Variants in ELAVL4 observed in about 807,000 individuals in gnomAD.
The protein encoded by ELAVL4 is ELAV like RNA binding protein 4.
A neutral mutation model predicts 35.6 loss-of-function variants in ELAVL4; 1 was observed. The ratio of observed to expected loss-of-function variants is 0.03; its 90% CI spans 0.01 to 0.13. ELAVL4 has a LOEUF of 0.13. ELAVL4 is among the 10% of genes least tolerant of loss of function. The probability of loss-of-function intolerance (pLI) is 1.00; values close to 1 mark genes in which losing one functional copy is unlikely to be tolerated. For missense variants in ELAVL4, 267 were observed against 464.9 expected, an observed-to-expected ratio of 0.57 and a Z score of 3.91; for synonymous variants, 156 against 171.0, an observed-to-expected ratio of 0.91 and a Z score of 0.69.
intron 1 of ELAVL4, among the ~76,000 whole-genome samples, chr1:50,049,852 T>C (rs1025848404): frequency 2.6e-5 from 4 of 152,190 alleles, no homozygotes; most frequent in Non-Finnish European, 5.9e-5. Context: ...CCTCTTTAGT[T>C]ATCATTAGTA....
At chr1:50,168,622 G>C (rs535512498) in intron 2 of ELAVL4, among the ~76,000 whole-genome samples, 1 of 152,096 alleles carries the variant, frequency 6.6e-6, no homozygotes, top group African/African-American at 2.4e-5. Context: ...TATGTTCCTT[G>C]GTTCTCCACA....
intron 2 of ELAVL4, among the ~76,000 whole-genome samples, chr1:50,165,075 A>G (rs939297516): frequency 1.3e-5 from 2 of 152,186 alleles, no homozygotes; most frequent in Admixed American, 6.6e-5. Context: ...GGAGGGGGCC[A>G]CTGTAGTTTT....
At chr1:50,172,508 G>C (rs540225548) in intron 2 of ELAVL4, among the ~76,000 whole-genome samples, 1 of 152,102 alleles carries the variant, frequency 6.6e-6, no homozygotes, top group Non-Finnish European at 1.5e-5. Flanking sequence ...CAGCTCATGG[G>C]CCAAATTGGG....
At position 50,177,138 on chromosome 1, in the gene ELAVL4, A is replaced by C; in HGVS notation, c.300A>C (p.Ala100=). Residue 100 remains alanine (A), a synonymous_variant, in exon 3 of 7, where the codon GCA becomes GCC. Coordinates refer to ENST00000371824, the MANE Select transcript of ELAVL4 (RefSeq NM_001144774.3). ...TTAACTATATTGATCCAAAGGATGC[A>C]GAGAAAGCCATCAACACTTTAAATG... is the stretch of plus-strand genomic sequence containing the variant. ...GFVNYIDPKD[A]EKAINTLNGL... is the part of the protein sequence containing the mutation. 1.9e-6 allele frequency: 3 copies of C among 1,614,082 alleles called. No individual in the cohort carries two copies. Among genetic ancestry groups the C allele is most frequent in the Non-Finnish European group, 2.5e-6 (3 of 1,179,966 alleles).
chr1:50,080,895 T>C (rs1664978854), intron 1 of ELAVL4, among the ~76,000 whole-genome samples: 1 of 152,164 alleles, frequency 6.6e-6, no homozygotes, highest in Non-Finnish European at 1.5e-5. Context: ...ATGGGAGAAG[T>C]TATATGCAAA....
chr1:50,109,107 C>A lies in ELAVL4; in HGVS notation c.-83C>A. On this transcript the variant is annotated 5_prime_UTR_variant, in exon 1 of 7. Transcript: ENST00000371824. ...TTTAATTATATATAACAATAGTAGT[C>A]ATTTTAAATATATATTCTGAAATCT... is the stretch of plus-strand genomic sequence containing the variant. 1 of 1,360,102 alleles carries A rather than the reference C, an allele frequency of 7.4e-7. No individual in the cohort carries two copies. The highest frequency in any genetic ancestry group is 1.3e-5 in the South Asian group (1 of 76,784). 84.3% of individuals were successfully genotyped at this position (1,360,102 alleles called of 1,614,324 possible).
intron 2 of ELAVL4, among the ~76,000 whole-genome samples, chr1:50,155,212 C>G (rs1212773857): frequency 1.5e-5 from 2 of 132,806 alleles, no homozygotes; most frequent in Non-Finnish European, 3.1e-5. Context: ...TATGATGTTC[C>G]CCTTCCTGTG....
chr1:50,151,075 G>T (rs969314826), intron 2 of ELAVL4, among the ~76,000 whole-genome samples: 2 of 152,198 alleles, frequency 1.3e-5, no homozygotes, highest in African/African-American at 4.8e-5. Context: ...TTTTACAGAT[G>T]CAGAAACTTG....
chr1:50,051,838 A>C (rs1328576937), intron 1 of ELAVL4, among the ~76,000 whole-genome samples: 5 of 152,214 alleles, frequency 3.3e-5, no homozygotes, highest in Non-Finnish European at 7.4e-5. Flanking sequence ...CTTAAACAAC[A>C]AAAATTTATT....
chr1:50,165,155 T>G (rs569572433), intron 2 of ELAVL4, among the ~76,000 whole-genome samples: 1 of 152,298 alleles, frequency 6.6e-6, no homozygotes, highest in East Asian at 1.9e-4. Context: ...TTTCCTCTTT[T>G]CAGTCATTTG....
At chr1:50,138,081 T>C (rs1012704720) in intron 1 of ELAVL4, among the ~76,000 whole-genome samples, 3 of 152,226 alleles carry the variant, frequency 2.0e-5, no homozygotes, top group Non-Finnish European at 2.9e-5. Flanking sequence ...CGAGTGAAGA[T>C]GATTGACACT....
chr1:50,133,613 A>AAGAC (rs1292644340), intron 1 of ELAVL4, among the ~76,000 whole-genome samples: 3 of 143,960 alleles, frequency 2.1e-5, no homozygotes, highest in Non-Finnish European at 4.6e-5. Context: ...GAAAGAAAGA[A>AAGAC]AGAAAGAAAG....
intron 1 of ELAVL4, chr1:50,144,380 A>G (rs1274262234): frequency 3.9e-6 from 1 of 257,534 alleles, no homozygotes. Context: ...AAAAAAAGAC[A>G]TTAGATGACT....
upstream of ELAVL4, chr1:50,103,965 G>C: frequency 1.2e-6 from 2 of 1,613,906 alleles, no homozygotes; most frequent in Non-Finnish European, 1.7e-6. Flanking sequence ...TGCCCTAATC[G>C]ACTGAAAATG....
At chr1:50,058,457 T>G (rs561277041) in intron 1 of ELAVL4, among the ~76,000 whole-genome samples, 1 of 152,266 alleles carries the variant, frequency 6.6e-6, no homozygotes, top group East Asian at 1.9e-4. Context: ...TATAGCACCC[T>G]TTCACTTTTC....
intron 3 of ELAVL4, among the ~76,000 whole-genome samples, chr1:50,190,206 G>A (rs1429383720): frequency 6.6e-6 from 1 of 152,344 alleles, no homozygotes; most frequent in South Asian, 2.1e-4. Context: ...GGCAAGGGGG[G>A]TTCTCCAGGG....
chr1:50,187,549 A>T (rs540513899), intron 3 of ELAVL4, among the ~76,000 whole-genome samples: 1 of 152,328 alleles, frequency 6.6e-6, no homozygotes, highest in African/African-American at 2.4e-5. Flanking sequence ...CTTGCTCTTA[A>T]TTGCTGCCTC....
At chr1:50,173,587 C>A (rs747475955) in intron 2 of ELAVL4, among the ~76,000 whole-genome samples, 5 of 152,156 alleles carry the variant, frequency 3.3e-5, no homozygotes, top group Non-Finnish European at 5.9e-5. Context: ...CACCAAGGGG[C>A]CAAATGCTCA....
At chr1:50,096,113 A>G (rs1273953526) in intron 1 of ELAVL4, among the ~76,000 whole-genome samples, 3 of 152,054 alleles carry the variant, frequency 2.0e-5, no homozygotes, top group Admixed American at 2.0e-4. Context: ...CCATATGAAT[A>G]TATTTATTTT....
Sources: allele counts gnomAD v4.1 joint callset (sites outside exome capture counted in the v4.1 genomes callset), GRCh38; gene constraint gnomAD v4.1.1; transcripts MANE v1.5; gene names NCBI Gene and HGNC (gene_info 2026-07-23, HGNC 2026-07-21).